KCNH7: variants seen among roughly 807,000 people sequenced by gnomAD.
KCNH7 encodes potassium voltage-gated channel subfamily H member 7, also known as voltage-gated inwardly rectifying potassium channel KCNH7.
KCNH7 carries 49 observed loss-of-function variants against 120.8 expected under a neutral mutation model. The ratio of observed to expected loss-of-function variants is 0.41; its 90% confidence interval spans 0.32 to 0.51. The LOEUF (loss-of-function observed/expected upper bound fraction) is 0.51, where lower values mean the gene tolerates loss of function less well. KCNH7 is among the 20% of genes least tolerant of loss of function. The probability of loss-of-function intolerance (pLI) is 0.38; values close to 1 mark genes in which losing one functional copy is unlikely to be tolerated. For missense variants in KCNH7, 1,097 were observed against 1,446.6 expected, an observed-to-expected ratio of 0.76 and a Z score of 3.92; for synonymous variants, 547 against 516.1, an observed-to-expected ratio of 1.06 and a Z score of -0.81.
chr2:162,497,062 T>G (rs1690520097), intron 6 of KCNH7: 1 of 152,160 alleles, frequency 6.6e-6, no homozygotes, highest in Non-Finnish European at 1.5e-5. Context: ...ACAAATAATT[T>G]TAAACATTAG....
intron 2 of KCNH7, among the ~76,000 whole-genome samples, chr2:162,815,728 CG>C (rs954053964): frequency 1.7e-4 from 26 of 152,116 alleles, no homozygotes; most frequent in Non-Finnish European, 3.5e-4. Context: ...TCTTTTAAAA[CG>C]TATTTATAAA....
Position 162,750,345 on chromosome 2 carries a change from TA to T in KCNH7, c.307+86191del, listed in dbSNP as rs1559114634. Among the ~76,000 whole-genome samples the T allele has an allele frequency of 2.1e-5, 3 of 141,090 alleles. No individual in the cohort carries two copies. The South Asian group carries it at 6.3e-4, about 30-fold the overall frequency. The allele number at this position is 141,090 out of a possible 152,430, so 92.6% of individuals were successfully genotyped here. A position where few individuals can be genotyped will look rare whatever the true frequency, so the allele number is the denominator to read the frequency against. ...GAAAAAAATCATGGGAGCAAAAATTTAAAAAATAAAAAAAACTGGATAAATT... is the reference window on the plus strand; with the variant it reads ...GAAAAAAATCATGGGAGCAAAAATTTAAAAATAAAAAAAACTGGATAAATT... On this transcript the variant is annotated intron_variant, in intron 2 of 15. Coordinates refer to ENST00000332142, the MANE Select transcript of KCNH7 (RefSeq NM_033272.4).
At chr2:162,697,893 A>G (rs1224868006) in intron 2 of KCNH7, among the ~76,000 whole-genome samples, 4 of 152,072 alleles carry the variant, frequency 2.6e-5, no homozygotes, top group Admixed American at 2.6e-4. Flanking sequence ...AGAAAAAAAA[A>G]CTGCATGTTA....
intron 2 of KCNH7, among the ~76,000 whole-genome samples, chr2:162,813,920 A>G (rs1684822164): frequency 6.6e-6 from 1 of 152,206 alleles, no homozygotes; most frequent in Non-Finnish European, 1.5e-5. Flanking sequence ...ATATTGAGAC[A>G]AATAAACTAA....
intron 12 of KCNH7, among the ~76,000 whole-genome samples, chr2:162,392,427 G>T (rs1686771949): frequency 6.6e-6 from 1 of 151,846 alleles, no homozygotes; most frequent in African/African-American, 2.4e-5. Flanking sequence ...GCAAGATAAA[G>T]CTAGTAGATG....
At chr2:162,716,045 T>G (rs796505436) in intron 2 of KCNH7, among the ~76,000 whole-genome samples, 19 of 152,200 alleles carry the variant, frequency 1.2e-4, no homozygotes, top group African/African-American at 4.1e-4. Context: ...AAAATTTTAT[T>G]ATTCCTTACT....
At chr2:162,742,517 T>A (rs1206079822) in intron 2 of KCNH7, among the ~76,000 whole-genome samples, 1 of 152,210 alleles carries the variant, frequency 6.6e-6, no homozygotes, top group Non-Finnish European at 1.5e-5. Flanking sequence ...CATTCCTTAA[T>A]AAAAATTGAA....
intron 2 of KCNH7, among the ~76,000 whole-genome samples, chr2:162,538,441 T>C (rs1012620318): frequency 6.7e-6 from 1 of 149,616 alleles, no homozygotes; most frequent in Non-Finnish European, 1.5e-5. Context: ...CGGGGGGAGG[T>C]TGAGAGCAAG....
chr2:162,576,989 G>T (rs1435458665), intron 2 of KCNH7, among the ~76,000 whole-genome samples: 3 of 151,770 alleles, frequency 2.0e-5, no homozygotes, highest in African/African-American at 7.3e-5. Context: ...ATAGCTCACT[G>T]CAGGCTTGAA....
At chr2:162,610,038 C>T (rs1682912093) in intron 2 of KCNH7, among the ~76,000 whole-genome samples, 1 of 152,192 alleles carries the variant, frequency 6.6e-6, no homozygotes, top group African/African-American at 2.4e-5. Context: ...CTCTTTCTCT[C>T]ACTAGCACTT....
chr2:162,532,107 G>A (rs907056876), intron 3 of KCNH7, among the ~76,000 whole-genome samples: 5 of 151,938 alleles, frequency 3.3e-5, no homozygotes, highest in Admixed American at 1.3e-4. Context: ...AAAAGTACCC[G>A]TAAACCATGC....
At chr2:162,573,655 G>C (rs532402706) in intron 2 of KCNH7, among the ~76,000 whole-genome samples, 1 of 151,876 alleles carries the variant, frequency 6.6e-6, no homozygotes, top group East Asian at 1.9e-4. Flanking sequence ...TTTTGTGTGT[G>C]TGTTTATGTT....
At chr2:162,686,590 A>G (rs1389022384) in intron 2 of KCNH7, among the ~76,000 whole-genome samples, 2 of 152,142 alleles carry the variant, frequency 1.3e-5, no homozygotes, top group Admixed American at 1.3e-4. Flanking sequence ...TTCAGCCTTT[A>G]GAGAGAGTCT....
At chr2:162,803,738 T>G (rs1684429336) in intron 2 of KCNH7, among the ~76,000 whole-genome samples, 1 of 151,746 alleles carries the variant, frequency 6.6e-6, no homozygotes, top group African/African-American at 2.4e-5. Context: ...CAGTACAATA[T>G]TTAGCATAAA....
chr2:162,379,424 C>G (rs1419359852), intron 14 of KCNH7, among the ~76,000 whole-genome samples: 1 of 152,152 alleles, frequency 6.6e-6, no homozygotes, highest in African/African-American at 2.4e-5. Context: ...GATAAGCTGA[C>G]TGAATAACTA....
chr2:162,749,953 T>G (rs1280749207), intron 2 of KCNH7, among the ~76,000 whole-genome samples: 1 of 152,150 alleles, frequency 6.6e-6, no homozygotes, highest in Non-Finnish European at 1.5e-5. Flanking sequence ...CTAAACAATT[T>G]TATTCTACTA....
chr2:162,655,700 G>A (rs1294967365), intron 2 of KCNH7, among the ~76,000 whole-genome samples: 1 of 152,134 alleles, frequency 6.6e-6, no homozygotes, highest in Non-Finnish European at 1.5e-5. Flanking sequence ...GGCTGAGGTA[G>A]GAGAATTGCT....
At chr2:162,401,136 T>A (rs527237471) in intron 9 of KCNH7, among the ~76,000 whole-genome samples, 2 of 151,920 alleles carry the variant, frequency 1.3e-5, no homozygotes, top group Non-Finnish European at 2.9e-5. Context: ...TCTAAAGTGC[T>A]ACTGTTTTGA....
rs113480190 is a variant in KCNH7 at position 162,558,871 on chromosome 2, C to T, written c.308-21791G>A. ...GAGGTCAGGATATCGAGACCATCCA[C>T]GGTGAAATCCTGTCTCTACTAAAAA... On this transcript the variant is annotated intron_variant, in intron 2 of 15. Coordinates refer to ENST00000332142, the MANE Select transcript of KCNH7 (RefSeq NM_033272.4). 3.3e-3 allele frequency among the ~76,000 whole-genome samples: 496 copies of T among 150,998 alleles called. 6 individuals carry two copies. The highest frequency in any genetic ancestry group is 0.012 in the African/African-American group (475 of 41,256).
Sources: gnomAD v4.1 joint callset for allele counts (sites outside exome capture counted in the v4.1 genomes callset) on GRCh38, gnomAD v4.1.1 for gene constraint, MANE v1.5 for transcripts, NCBI Gene and HGNC (gene_info 2026-07-23, HGNC 2026-07-21) for gene names.